The following CLMN variants were observed in gnomAD, a reference collection of about 807,000 sequenced individuals.
CLMN encodes the protein calmin.
A neutral mutation model predicts 92.7 loss-of-function variants in CLMN; 57 were observed. The ratio of observed to expected loss-of-function variants is 0.61; its 90% CI spans 0.50 to 0.77. The LOEUF (loss-of-function observed/expected upper bound fraction) is 0.77, where lower values mean the gene tolerates loss of function less well. Among genes scored for constraint, CLMN ranks in the 30% least tolerant of loss-of-function variants. The pLI is 0.00. For missense variants in CLMN, 1,158 were observed against 1,237.5 expected (o/e 0.94, Z 0.96); for synonymous variants, 466 against 470.6 (o/e 0.99, Z 0.13).
At chr14:95,307,103 C>A (rs1344041953) in intron 1 of CLMN, among the ~76,000 whole-genome samples, 2 of 152,180 alleles carry the variant, frequency 1.3e-5, no homozygotes, top group Admixed American at 6.5e-5. Context: ...TATGACCTCA[C>A]TGAATGTTCT....
chr14:95,259,439 T>C lies in CLMN; in HGVS notation c.83-29306A>G, dbSNP rs1899162894. Among the ~76,000 whole-genome samples the C allele has an allele frequency of 6.6e-6, 1 of 152,096 alleles. No individual in the cohort carries two copies. Among genetic ancestry groups the C allele is most frequent in the Non-Finnish European group, 1.5e-5 (1 of 67,992 alleles). ...ACCTCCGGGTTACCAGAATGTGCACTTTATGAGGACACGGAGGAAACCCCC... is the reference window on the plus strand; with the variant it reads ...ACCTCCGGGTTACCAGAATGTGCACCTTATGAGGACACGGAGGAAACCCCC... On this transcript the variant is annotated intron_variant, in intron 1 of 12. Transcript: ENST00000298912. The surrounding 1 kb of genome is among the most constrained non-coding windows in gnomAD (Gnocchi z 4.3).
chr14:95,219,614 G>A (rs562981433), intron 4 of CLMN, among the ~76,000 whole-genome samples: 1 of 152,262 alleles, frequency 6.6e-6, no homozygotes, highest in African/African-American at 2.4e-5. Flanking sequence ...AGAAACGGAG[G>A]CTCAGGGAAG....
intron 1 of CLMN, among the ~76,000 whole-genome samples, chr14:95,297,691 C>CCTCCTGAGCAGTA (rs1900863391): frequency 6.6e-6 from 1 of 152,126 alleles, no homozygotes; most frequent in Admixed American, 6.5e-5. Flanking sequence ...ATTAGCAGTT[C>CCTCCTGAGCAGTA]TTCCCTTCTT....
At chr14:95,316,271 T>C (rs1403010439) in intron 1 of CLMN, among the ~76,000 whole-genome samples, 1 of 152,222 alleles carries the variant, frequency 6.6e-6, no homozygotes, top group East Asian at 1.9e-4. Flanking sequence ...CCATCTTCTC[T>C]TCTCCAAAAA....
rs1367309785 is a variant in CLMN, at chr14:95,187,784, T to C, written c.*3780A>G. ...ACAGTTGTGCATTGCACAGAGGCAC[T>C]TGGCTAAAGAGGGCAATTAGGAGTT... On this transcript the variant is annotated 3_prime_UTR_variant, in exon 13 of 13. Coordinates refer to ENST00000298912, the MANE Select transcript of CLMN (RefSeq NM_024734.4). 2 of 152,268 alleles carry C rather than the reference T, an allele frequency of 1.3e-5. No individual in the cohort carries two copies. Among genetic ancestry groups the C allele is most frequent in the Non-Finnish European group, 2.9e-5 (2 of 68,058 alleles). 9.4% of individuals were successfully genotyped at this position (152,268 alleles called of 1,614,324 possible).
In CLMN at chr14:95,194,483, A is replaced by T. The variant is rs1056813120; in HGVS notation, c.2769+53T>A. 3 of 1,613,580 alleles carry T rather than the reference A, an allele frequency of 1.9e-6. No individual in the cohort carries two copies. Among genetic ancestry groups the T allele is most frequent in the Non-Finnish European group, 2.5e-6 (3 of 1,179,580 alleles). On this transcript the variant is annotated intron_variant, in intron 11 of 12. Coordinates refer to ENST00000298912, the MANE Select transcript of CLMN (RefSeq NM_024734.4). This position sits in a 1 kb window ranked among gnomAD's most constrained non-coding sequence, Gnocchi z 4.0. Reference sequence around the variant, plus strand: ...TGGGCTGGGGAGGAGGAAGGATGGAAAGGAATTGATTAGCAGGGGCCGTGC... The same window carrying T: ...TGGGCTGGGGAGGAGGAAGGATGGATAGGAATTGATTAGCAGGGGCCGTGC...
Position 95,226,666 on chromosome 14 carries a change from C to T in CLMN, c.145-2811G>A, listed in dbSNP as rs1328724573. 2.0e-5 allele frequency among the ~76,000 whole-genome samples: 3 copies of T among 151,966 alleles called. No homozygotes were observed. In the East Asian group the frequency reaches 5.8e-4, roughly 29 times the overall value. Reference sequence around the variant, plus strand: ...ACCACGGTTCACTGCAGTCTCAAACCCTTAGCTCAAGTGATCCTCCCATCC... The same window carrying T: ...ACCACGGTTCACTGCAGTCTCAAACTCTTAGCTCAAGTGATCCTCCCATCC... On this transcript the variant is annotated intron_variant, in intron 2 of 12. Coordinates refer to ENST00000298912, the MANE Select transcript of CLMN (RefSeq NM_024734.4).
Position 95,202,910 on chromosome 14 carries a change from G to A in CLMN, c.2439C>T (p.Pro813=), listed in dbSNP as rs576724570. The A allele has an allele frequency of 2.6e-5, 41 of 1,591,244 alleles. No homozygotes were observed. Among genetic ancestry groups the A allele is most frequent in the Middle Eastern group, 3.4e-4 (2 of 5,918 alleles). The stretch of plus-strand genomic sequence containing the variant: ...GGTCCTCATGGGGGGCCAGTGGAGC[G>A]GGTTCTGAGGCTGGTGTGGTACCCA... ...GGVGTTPASE[P]APLAPHEDHQ... Residue 813 remains proline, a synonymous_variant, in exon 9 of 13, where the codon CCC becomes CCT. Coordinates refer to ENST00000298912, the MANE Select transcript of CLMN (RefSeq NM_024734.4).
Position 95,196,449 on chromosome 14 carries a change from TCTAA to T in CLMN, c.2708+45_2708+48del, listed in dbSNP as rs760005436. On this transcript the variant is annotated intron_variant, in intron 10 of 12. Transcript: ENST00000298912. ...TCAAATCAGAAACTGCAAATAACTC[TCTAA>T]CTCTCTGGCTCCACCTTACGGGTGA... The T allele has an allele frequency of 5.8e-6, 9 of 1,560,584 alleles. No individual in the cohort carries two copies. In the East Asian group the frequency reaches 2.0e-4, roughly 35 times the overall value.
chr14:95,237,796 T>C (rs1327684637), intron 1 of CLMN, among the ~76,000 whole-genome samples: 1 of 152,170 alleles, frequency 6.6e-6, no homozygotes, highest in Non-Finnish European at 1.5e-5. Flanking sequence ...CCTCCCGAGA[T>C]GCTTTACATG....
In CLMN at chr14:95,305,353, G is replaced by A. The variant is rs138087611; in HGVS notation, c.82+14358C>T. Among the ~76,000 whole-genome samples the A allele has an allele frequency of 5.9e-5, 9 of 152,304 alleles. No individual in the cohort carries two copies. The South Asian group carries it at 1.0e-3, about 18-fold the overall frequency. On this transcript the variant is annotated intron_variant, in intron 1 of 12. Coordinates refer to ENST00000298912, the MANE Select transcript of CLMN (RefSeq NM_024734.4). Reference sequence around the variant, plus strand: ...TGTGTGAGCCACCACTCAAAGCTCCGCCCCAACCCTGTCCATCATGACCAT... The same window carrying A: ...TGTGTGAGCCACCACTCAAAGCTCCACCCCAACCCTGTCCATCATGACCAT...
chr14:95,201,166 T>A (rs2983318), intron 9 of CLMN, among the ~76,000 whole-genome samples: 14,411 of 151,522 alleles, frequency 0.095, 1,048 homozygotes, highest in East Asian at 0.43. Context: ...AATAAAAAAA[T>A]TTAAAAATAT....
intron 1 of CLMN, among the ~76,000 whole-genome samples, chr14:95,303,459 C>T (rs756630823): frequency 6.6e-5 from 10 of 152,200 alleles, no homozygotes; most frequent in East Asian, 1.9e-4. Context: ...AATTAGGGGC[C>T]GGGGAGGACC....
chr14:95,319,016 C>T (rs1460954723), intron 1 of CLMN, among the ~76,000 whole-genome samples: 1 of 152,228 alleles, frequency 6.6e-6, no homozygotes, highest in African/African-American at 2.4e-5. Context: ...CTCTTCTCAG[C>T]TACCTCCCAG....
At chr14:95,295,853 T>C (rs1044261239) in intron 1 of CLMN, among the ~76,000 whole-genome samples, 2 of 152,244 alleles carry the variant, frequency 1.3e-5, no homozygotes, top group Admixed American at 1.3e-4. Flanking sequence ...CGTCATCTAC[T>C]CTTCATTGTT....
chr14:95,309,527 C>A (rs959771895), intron 1 of CLMN, among the ~76,000 whole-genome samples: 1 of 152,240 alleles, frequency 6.6e-6, no homozygotes, highest in African/African-American at 2.4e-5. Flanking sequence ...GATGAGATCA[C>A]CATGACACAA....
At chr14:95,275,996 C>T (rs1004084899) in intron 1 of CLMN, among the ~76,000 whole-genome samples, 1 of 152,196 alleles carries the variant, frequency 6.6e-6, no homozygotes, top group African/African-American at 2.4e-5. Flanking sequence ...ACTTGCTTCG[C>T]TTTACTCAGT....
chr14:95,255,960 T>A (rs1309711038), intron 1 of CLMN, among the ~76,000 whole-genome samples: 1 of 152,224 alleles, frequency 6.6e-6, no homozygotes, highest in African/African-American at 2.4e-5. Context: ...ATAAGCTCTT[T>A]GCCTAAATTA....
At chr14:95,216,126 G>A (rs1023009928) in intron 4 of CLMN, among the ~76,000 whole-genome samples, 1 of 152,310 alleles carries the variant, frequency 6.6e-6, no homozygotes, top group Admixed American at 6.5e-5. Flanking sequence ...CACATGGTTG[G>A]AGAGGCCTCA....
Sources: allele counts gnomAD v4.1 joint callset (sites outside exome capture counted in the v4.1 genomes callset), GRCh38; gene constraint gnomAD v4.1.1; non-coding constraint Gnocchi (gnomAD v3.1); transcripts MANE v1.5; gene names NCBI Gene and HGNC (gene_info 2026-07-23, HGNC 2026-07-21).